Variants in FLNB observed in about 807,000 individuals in gnomAD.
FLNB encodes filamin-B.
FLNB carries 111 observed loss-of-function variants against 250.6 expected under a neutral mutation model. That is an observed-to-expected ratio of 0.44 (90% CI 0.38 to 0.52). FLNB has a LOEUF of 0.52. Ranked by LOEUF, FLNB falls within the 20% of genes least tolerant of loss-of-function variation. The probability of loss-of-function intolerance (pLI) is 0.00; values close to 1 mark genes in which losing one functional copy is unlikely to be tolerated. For synonymous variants in FLNB, 1,302 were observed against 1,372.1 expected (o/e 0.95, Z 1.13); for missense variants, 2,869 against 3,447.8 (o/e 0.83, Z 4.20).
At chr3:58,011,993 C>T (rs916374280) in intron 1 of FLNB, among the ~76,000 whole-genome samples, 3 of 152,086 alleles carry the variant, frequency 2.0e-5, no homozygotes. Context: ...GGTGGATCAC[C>T]TGAGGTCAGG....
Position 58,106,871 on chromosome 3 carries a change from C to G in FLNB, c.1939C>G (p.Leu647Val), listed in dbSNP as rs1437467595. 6.2e-7 allele frequency: 1 copy of G among 1,613,060 alleles called. No homozygotes were observed. Among genetic ancestry groups the G allele is most frequent in the Admixed American group, 1.7e-5 (1 of 60,028 alleles). ...HPATGGYNPD[L>V]VRAYGPGLEK... ...AGCCACGGGAGGCTACAACCCTGAT[C>G]TGGTGAATCAGCTGCTGTGCTTCTG... The change falls in exon 12 of 46, where the codon CTG (leucine) becomes GTG (valine). Residue 647 changes from leucine (L) to valine (V), a missense_variant and splice_region_variant. By Grantham distance (32) the Leu-to-Val change is conservative (BLOSUM62 1). Coordinates refer to ENST00000295956, the MANE Select transcript of FLNB (RefSeq NM_001457.4).
intron 1 of FLNB, among the ~76,000 whole-genome samples, chr3:58,066,757 A>G (rs989074001): frequency 1.3e-5 from 2 of 152,206 alleles, no homozygotes; most frequent in East Asian, 1.9e-4. Flanking sequence ...GGTGATGAAA[A>G]TGGAACTTTT....
Position 58,146,919 on chromosome 3 carries a change from C to A in FLNB, c.5654C>A (p.Pro1885Gln), listed in dbSNP as rs1160888875. The A allele has an allele frequency of 6.2e-7, 1 of 1,614,084 alleles. No individual in the cohort carries two copies. The highest frequency in any genetic ancestry group is 8.5e-7 in the Non-Finnish European group (1 of 1,180,046). ...TCTVTYLPTL[P>Q]GDYSILVKYN... Reference sequence around the variant, plus strand: ...ACAGTGACCTACCTGCCGACTCTGCCAGGCGACTACAGCATTCTGGTCAAG... The same window carrying A: ...ACAGTGACCTACCTGCCGACTCTGCAAGGCGACTACAGCATTCTGGTCAAG... The change falls in exon 34 of 46, where the codon CCA becomes CAA. Residue 1885 changes from proline (P) to glutamine (Q), a missense_variant. By Grantham distance (76) the Pro-to-Gln change is moderately conservative (BLOSUM62 -1). Transcript: ENST00000295956.
rs1003180198 is a variant in FLNB, at chr3:58,143,381, C to T, written c.5285-92C>T. On this transcript the variant is annotated intron_variant, in intron 31 of 45. Coordinates refer to ENST00000295956, the MANE Select transcript of FLNB (RefSeq NM_001457.4). ...CAACGAATGTTCTTGGGTCTGGAAA[C>T]CTTTATTTTGAATACATCTGTGCCT... The T allele has an allele frequency of 2.8e-6, 4 of 1,407,848 alleles. No individual in the cohort carries two copies. In the African/African-American group the frequency reaches 5.7e-5, roughly 20 times the overall value. 87.2% of individuals were successfully genotyped at this position (1,407,848 alleles called of 1,614,324 possible). A position where few individuals can be genotyped will look rare whatever the true frequency, so the allele number is the denominator to read the frequency against.
chr3:58,125,468 CATAGTATAGCA>C, intron 22 of FLNB, 102 bp from the exon 23 acceptor site: 1 of 1,243,446 alleles, frequency 8.0e-7, no homozygotes, highest in Non-Finnish European at 1.2e-6. Flanking sequence ...TTCCAAATAA[CATAGTATAGCA>C]TGCAGACTTC....
At chr3:58,081,149 A>G (rs1559679346) in intron 3 of FLNB, among the ~76,000 whole-genome samples, 1 of 151,950 alleles carries the variant, frequency 6.6e-6, no homozygotes, top group Non-Finnish European at 1.5e-5. Flanking sequence ...TAATATTTAC[A>G]TGTTATTTCT....
chr3:58,168,328 C>T (rs1334993688), intron 43 of FLNB, 112 bp from the exon 44 acceptor site: 1 of 843,248 alleles, frequency 1.2e-6, no homozygotes. Flanking sequence ...TCCCATGCCA[C>T]CAGGGTGAGC....
At chr3:58,095,229 G>GTCTGTATTTATT (rs1553694996) in intron 5 of FLNB, among the ~76,000 whole-genome samples, 1 of 147,708 alleles carries the variant, frequency 6.8e-6, no homozygotes, top group Non-Finnish European at 1.5e-5. Flanking sequence ...GTTTATGTAT[G>GTCTGTATTTATT]TATTTATTTA....
At chr3:58,094,813 ATG>A in intron 4 of FLNB, 21 bp from the exon 5 acceptor site, 1 of 1,599,736 alleles carries the variant, frequency 6.3e-7, no homozygotes. Flanking sequence ...GGCTTCTAAC[ATG>A]TCTGTGTAAA....
intron 1 of FLNB, among the ~76,000 whole-genome samples, chr3:58,015,757 C>T (rs546264749): frequency 6.6e-6 from 1 of 152,154 alleles, no homozygotes; most frequent in African/African-American, 2.4e-5. Context: ...GTCTGTGCAC[C>T]GTGCTGTAAG....
intron 4 of FLNB, among the ~76,000 whole-genome samples, chr3:58,085,281 G>GA (rs35376614): frequency 0.72 from 109,490 of 152,032 alleles, 40,194 homozygotes; most frequent in East Asian, 1. Flanking sequence ...TTTAAAGTAG[G>GA]AGACAAAATG....
chr3:58,148,104 T>C, intron 34 of FLNB, 102 bp from the exon 35 acceptor site: 1 of 1,185,446 alleles, frequency 8.4e-7, no homozygotes, highest in Non-Finnish European at 1.3e-6. Flanking sequence ...TTTGTGTAAT[T>C]AGTTCTTGCG....
Position 58,111,760 on chromosome 3 carries a change from C to T in FLNB, c.2485-31C>T. On this transcript the variant is annotated intron_variant, in intron 16 of 45. Transcript: ENST00000295956. ...TGAGCTCTGGCTGTTGCTTCAGGGG[C>T]TTTCCTACTAAGACTGTGTCTCTGC... 3.2e-6 allele frequency: 5 copies of T among 1,554,724 alleles called. 1 individual carries two copies. The South Asian group carries it at 4.5e-5, about 14-fold the overall frequency.
chr3:58,102,517 C>T (rs1273576838), intron 9 of FLNB, among the ~76,000 whole-genome samples, 177 bp downstream of exon 9: 3 of 152,146 alleles, frequency 2.0e-5, no homozygotes, highest in Non-Finnish European at 4.4e-5. Flanking sequence ...TAATGTCTGC[C>T]CTGGATGCGG....
chr3:58,013,643 G>C (rs557120171), intron 1 of FLNB, among the ~76,000 whole-genome samples: 96 of 152,256 alleles, frequency 6.3e-4, no homozygotes, highest in African/African-American at 2.2e-3. Flanking sequence ...TGACCAACAT[G>C]GAGAAACCCC....
intron 1 of FLNB, among the ~76,000 whole-genome samples, chr3:58,073,799 T>A (rs2097198025): frequency 6.6e-6 from 1 of 152,212 alleles, no homozygotes; most frequent in South Asian, 2.1e-4. Context: ...TTTAAAAGAA[T>A]CCATTTCTGT....
At chr3:58,091,002 C>T (rs962465944) in intron 4 of FLNB, among the ~76,000 whole-genome samples, 3 of 151,464 alleles carry the variant, frequency 2.0e-5, no homozygotes, top group Non-Finnish European at 4.4e-5. Context: ...GGCATGAACC[C>T]GGGAGGCAGA....
intron 33 of FLNB, 38 bp from the exon 34 acceptor site, chr3:58,146,778 ACTCT>A: frequency 6.2e-7 from 1 of 1,608,776 alleles, no homozygotes; most frequent in East Asian, 2.2e-5. Flanking sequence ...AAACAAGGCA[ACTCT>A]CTCCCTAACA....
Position 58,143,573 on chromosome 3 carries a change from C to T in FLNB, c.5385C>T (p.Leu1795=). ...TVRYAPTEVG[L]HEMHIKYMGS... The stretch of plus-strand genomic sequence containing the variant: ...GATATGCCCCCACTGAGGTCGGGCT[C>T]CATGAGATGCACATCAAATACATGG... Residue 1795 remains leucine, a synonymous_variant, in exon 32 of 46, where the codon CTC becomes CTT. Transcript: ENST00000295956. 1 of 1,614,128 alleles carries T rather than the reference C, an allele frequency of 6.2e-7. No homozygotes were observed. Among genetic ancestry groups the T allele is most frequent in the Non-Finnish European group, 8.5e-7 (1 of 1,180,026 alleles).
Sources: gnomAD v4.1 joint callset for allele counts (sites outside exome capture counted in the v4.1 genomes callset) on GRCh38, gnomAD v4.1.1 for gene constraint, MANE v1.5 for transcripts, NCBI Gene and HGNC (gene_info 2026-07-23, HGNC 2026-07-21) for gene names.